The following MYO9B variants were observed in gnomAD, a reference collection of about 807,000 sequenced individuals.
MYO9B encodes the protein unconventional myosin-IXb.
Under a neutral mutation model 229.5 loss-of-function variants are expected in MYO9B, and 71 were observed. The ratio of observed to expected loss-of-function variants is 0.31; its 90% confidence interval spans 0.26 to 0.38. The LOEUF (loss-of-function observed/expected upper bound fraction) is 0.38, where lower values mean the gene tolerates loss of function less well. MYO9B is among the 10% of genes least tolerant of loss of function. MYO9B has a pLI of 1.00. For missense variants in MYO9B, 2,255 were observed against 2,920.5 expected, an observed-to-expected ratio of 0.77 and a Z score of 5.25; for synonymous variants, 1,185 against 1,235.8, an observed-to-expected ratio of 0.96 and a Z score of 0.86.
chr19:17,183,889 C>G (rs1304098907), intron 16 of MYO9B, 21 bp downstream of exon 16: 2 of 1,555,208 alleles, frequency 1.3e-6, no homozygotes, highest in Non-Finnish European at 1.7e-6. Context: ...AAACACACCC[C>G]GCGCGACACG....
chr19:17,113,387 C>T (rs1351237962), intron 2 of MYO9B, among the ~76,000 whole-genome samples: 3 of 152,170 alleles, frequency 2.0e-5, no homozygotes, highest in African/African-American at 4.8e-5. Context: ...CGGGTAGGCG[C>T]ACTGCTGTGG....
At chr19:17,191,346 C>G in intron 20 of MYO9B, 127 bp downstream of exon 20, 12 of 1,251,594 alleles carry the variant, frequency 9.6e-6, no homozygotes, top group Non-Finnish European at 1.1e-5. Context: ...ATGCATTTCT[C>G]GGGACCCAGC....
chr19:17,126,767 C>T (rs934507855), intron 2 of MYO9B, among the ~76,000 whole-genome samples: 40 of 150,718 alleles, frequency 2.7e-4, no homozygotes, highest in South Asian at 4.2e-4. Context: ...CGGGTTCAAG[C>T]GATTTCCTGC....
At chr19:17,133,482 G>T (rs921894057) in intron 2 of MYO9B, among the ~76,000 whole-genome samples, 4 of 151,484 alleles carry the variant, frequency 2.6e-5, no homozygotes, top group African/African-American at 9.7e-5. Context: ...TTTGAGACAG[G>T]GTCTCGCTCT....
chr19:17,182,100 G>A (rs1003237646), intron 15 of MYO9B, among the ~76,000 whole-genome samples: 3 of 150,692 alleles, frequency 2.0e-5, no homozygotes, highest in African/African-American at 7.3e-5. Flanking sequence ...TTAAGAGATG[G>A]GGGTTTCATT....
intron 2 of MYO9B, among the ~76,000 whole-genome samples, chr19:17,140,157 C>T (rs1368721525): frequency 2.0e-5 from 3 of 152,096 alleles, no homozygotes; most frequent in African/African-American, 7.2e-5. Flanking sequence ...TATGGGACCA[C>T]CGTCATATAT....
chr19:17,200,895 C>T (rs748053430), intron 26 of MYO9B, 66 bp downstream of exon 26: 50 of 1,539,190 alleles, frequency 3.2e-5, no homozygotes, highest in Non-Finnish European at 4.4e-5. Context: ...CACAGCCAGG[C>T]ATTGTTTTCT....
intron 2 of MYO9B, among the ~76,000 whole-genome samples, chr19:17,107,296 T>C (rs1257289853): frequency 6.6e-6 from 1 of 152,052 alleles, no homozygotes; most frequent in East Asian, 1.9e-4. Flanking sequence ...ACATTTACCA[T>C]GTCAGACATT....
chr19:17,140,084 G>A (rs2072319383), intron 2 of MYO9B, among the ~76,000 whole-genome samples: 1 of 152,050 alleles, frequency 6.6e-6, no homozygotes, highest in Non-Finnish European at 1.5e-5. Flanking sequence ...ATGGATGGGT[G>A]GATGGATGGA....
At chr19:17,160,777 G>C (rs938999825) in intron 8 of MYO9B, among the ~76,000 whole-genome samples, 2 of 152,078 alleles carry the variant, frequency 1.3e-5, no homozygotes, top group African/African-American at 4.8e-5. Context: ...TCGGCTCACT[G>C]CAACTTCCGC....
Position 17,197,832 on chromosome 19 carries a change from C to T in MYO9B, c.4087C>T (p.Leu1363Phe). The T allele has an allele frequency of 6.2e-7, 1 of 1,613,586 alleles. No homozygotes were observed. Among genetic ancestry groups the T allele is most frequent in the Non-Finnish European group, 8.5e-7 (1 of 1,179,862 alleles). ...CTTCTCCACGAGCGACGTCTCCAAG[C>T]TCCTCCCGTCCCTGGCCAAGGCTCA... ...TSFSTSDVSK[L>F]LPSLAKAQPA... Residue 1363 changes from leucine to phenylalanine, a missense_variant, in exon 23 of 40, where the codon CTC becomes TTC. Physicochemically the swap from Leu to Phe is conservative, Grantham distance 22 (BLOSUM62 0). Coordinates refer to ENST00000682292, the MANE Select transcript of MYO9B (RefSeq NM_004145.4).
At chr19:17,178,905 C>T (rs917963759) in intron 14 of MYO9B, among the ~76,000 whole-genome samples, 86 of 151,774 alleles carry the variant, frequency 5.7e-4, no homozygotes, top group African/African-American at 1.9e-3. Context: ...GTGGTGTGCA[C>T]CTGTAATCCT....
chr19:17,124,150 A>G (rs1460597223), intron 2 of MYO9B, among the ~76,000 whole-genome samples: 2 of 152,062 alleles, frequency 1.3e-5, no homozygotes, highest in Admixed American at 1.3e-4. Context: ...TGGCCTCCCA[A>G]AGTGCTAGGA....
intron 1 of MYO9B, among the ~76,000 whole-genome samples, chr19:17,092,131 G>A (rs1420119823): frequency 6.6e-6 from 1 of 152,236 alleles, no homozygotes; most frequent in Non-Finnish European, 1.5e-5. Context: ...GCCGGGAGCA[G>A]AAGAAAGAGC....
chr19:17,164,873 A>G (rs2072642286), intron 10 of MYO9B, among the ~76,000 whole-genome samples: 1 of 152,180 alleles, frequency 6.6e-6, no homozygotes, highest in Non-Finnish European at 1.5e-5. Context: ...GAAGGGTGTG[A>G]CATACACACT....
intron 1 of MYO9B, chr19:17,095,712 C>A (rs1421371958): frequency 6.6e-6 from 1 of 152,160 alleles, no homozygotes; most frequent in Non-Finnish European, 1.5e-5. Flanking sequence ...TGGGTCTATA[C>A]CTGGGAGCAG....
chr19:17,208,022 A>AC (rs397962589), intron 35 of MYO9B: 1 of 147,712 alleles, frequency 6.8e-6, no homozygotes, highest in Admixed American at 6.7e-5. Context: ...AAAAAAAAAA[A>AC]CAAAATACAA....
chr19:17,156,936 G>A lies in MYO9B; in HGVS notation c.1227G>A (p.Leu409=). ...KQIFAVLSAI[L]YLGNVTYKKR... ...TTTTTGCCGTCCTCTCGGCCATCCT[G>A]TACCTGGGCAACGTCACTTATAAGA... The change falls in exon 7 of 40, where the codon CTG becomes CTA. Residue 409 remains leucine, a synonymous_variant. Coordinates refer to ENST00000682292, the MANE Select transcript of MYO9B (RefSeq NM_004145.4). 2 of 1,613,794 alleles carry A rather than the reference G, an allele frequency of 1.2e-6. No homozygotes were observed. The highest frequency in any genetic ancestry group is 1.7e-6 in the Non-Finnish European group (2 of 1,179,846).
chr19:17,174,115 C>T (rs966079815), intron 13 of MYO9B, among the ~76,000 whole-genome samples: 16 of 150,516 alleles, frequency 1.1e-4, no homozygotes, highest in Admixed American at 6.6e-4. Context: ...CTGCAGGCCC[C>T]GCCTCCCGGG....
Sources: gnomAD v4.1 joint callset for allele counts (sites outside exome capture counted in the v4.1 genomes callset) on GRCh38, gnomAD v4.1.1 for gene constraint, MANE v1.5 for transcripts, NCBI Gene and HGNC (gene_info 2026-07-23, HGNC 2026-07-21) for gene names.